Variants in SLC2A13 observed in about 807,000 individuals in gnomAD.
SLC2A13 encodes proton myo-inositol cotransporter.
Under a neutral mutation model 64.4 loss-of-function variants are expected in SLC2A13, and 32 were observed. That is an observed-to-expected ratio of 0.50 (90% confidence interval 0.37 to 0.67). The LOEUF is 0.67. SLC2A13 is among the 30% of genes least tolerant of loss of function. SLC2A13 has a pLI of 0.00. For synonymous variants in SLC2A13, 338 were observed against 327.1 expected (o/e 1.03, Z -0.36); for missense variants, 743 against 829.2 (o/e 0.90, Z 1.28).
chr12:39,790,611 G>A (rs1372729849), intron 7 of SLC2A13, among the ~76,000 whole-genome samples: 1 of 138,040 alleles, frequency 7.2e-6, no homozygotes, highest in Admixed American at 7.5e-5. Flanking sequence ...TCTTAATCCA[G>A]TCTATGATTG....
chr12:39,959,883 C>T (rs1283365846), intron 3 of SLC2A13, among the ~76,000 whole-genome samples: 1 of 152,142 alleles, frequency 6.6e-6, no homozygotes, highest in Non-Finnish European at 1.5e-5. Flanking sequence ...CAGGTAAATG[C>T]ATGCCATGGT....
In SLC2A13 at chr12:39,846,264, G is replaced by A. The variant is rs184709541; in HGVS notation, c.1320-16036C>T. ...AGGTATTATTCACCTTTGACCATAA[G>A]GAATTACTGTCCACTCCCAAAGGGT... On this transcript the variant is annotated intron_variant, in intron 6 of 9. Coordinates refer to ENST00000280871, the MANE Select transcript of SLC2A13 (RefSeq NM_052885.4). 1.0e-3 allele frequency among the ~76,000 whole-genome samples: 157 copies of A among 152,150 alleles called. 2 individuals carry two copies. The highest frequency in any genetic ancestry group is 8.8e-3 in the Admixed American group (134 of 15,276).
chr12:39,829,869 C>T (rs1287627913), intron 7 of SLC2A13: 2 of 529,548 alleles, frequency 3.8e-6, no homozygotes, highest in African/African-American at 3.8e-5. Context: ...AACTCCTATA[C>T]CTTATTAGAG....
At chr12:39,873,476 T>C (rs183335443) in intron 4 of SLC2A13, among the ~76,000 whole-genome samples, 1 of 152,078 alleles carries the variant, frequency 6.6e-6, no homozygotes, top group African/African-American at 2.4e-5. Context: ...TTAACATAAA[T>C]ACCAAATCTA....
intron 5 of SLC2A13, among the ~76,000 whole-genome samples, chr12:39,867,849 G>A (rs189426695): frequency 5.5e-4 from 84 of 152,212 alleles, no homozygotes; most frequent in African/African-American, 2.0e-3. Flanking sequence ...CAAAATATCT[G>A]AGTTTTAAAG....
chr12:39,841,454 T>A (rs1031510251), intron 6 of SLC2A13, among the ~76,000 whole-genome samples: 1 of 151,894 alleles, frequency 6.6e-6, no homozygotes, highest in African/African-American at 2.4e-5. Context: ...CCAGTGGGGG[T>A]TAAGTGTTTT....
At chr12:40,073,691 T>G (rs1029487029) in intron 1 of SLC2A13, among the ~76,000 whole-genome samples, 6 of 152,018 alleles carry the variant, frequency 3.9e-5, no homozygotes, top group African/African-American at 1.2e-4. Flanking sequence ...CTCTCAACAC[T>G]TTAAATATTT....
intron 5 of SLC2A13, among the ~76,000 whole-genome samples, chr12:39,868,902 T>G (rs1285891549): frequency 6.6e-6 from 1 of 152,208 alleles, no homozygotes; most frequent in African/African-American, 2.4e-5. Flanking sequence ...CTTACATATT[T>G]TTTATTTGTA....
intron 4 of SLC2A13, among the ~76,000 whole-genome samples, chr12:39,910,101 C>G (rs1382647548): frequency 6.6e-6 from 1 of 152,018 alleles, no homozygotes; most frequent in African/African-American, 2.4e-5. Context: ...AACCCTGTCC[C>G]CTGCTTCCTC....
At chr12:39,898,662 G>A (rs1182144689) in intron 4 of SLC2A13, among the ~76,000 whole-genome samples, 1 of 152,098 alleles carries the variant, frequency 6.6e-6, no homozygotes, top group Non-Finnish European at 1.5e-5. Flanking sequence ...GACATACAAG[G>A]CATTGAGACC....
intron 7 of SLC2A13, among the ~76,000 whole-genome samples, chr12:39,782,862 G>A (rs1159649535): frequency 1.3e-5 from 2 of 152,072 alleles, no homozygotes; most frequent in East Asian, 1.9e-4. Context: ...GGTGACTCTT[G>A]TTATTTTTAT....
chr12:39,908,853 T>C (rs1262476528), intron 4 of SLC2A13, among the ~76,000 whole-genome samples: 2 of 151,936 alleles, frequency 1.3e-5, no homozygotes, highest in Non-Finnish European at 2.9e-5. Context: ...ATGAGGAAGA[T>C]GGAAGGCAAC....
At chr12:39,823,167 A>T (rs1942572920) in intron 7 of SLC2A13, among the ~76,000 whole-genome samples, 1 of 152,350 alleles carries the variant, frequency 6.6e-6, no homozygotes, top group East Asian at 1.9e-4. Flanking sequence ...TTTAAGCAGT[A>T]ACATAAAAAA....
Position 39,985,258 on chromosome 12 carries a change from A to T in SLC2A13, c.926-33893T>A, listed in dbSNP as rs539594989. Among the ~76,000 whole-genome samples, 9 of 152,138 alleles carry T rather than the reference A, an allele frequency of 5.9e-5. No individual in the cohort carries two copies. The East Asian group carries it at 1.5e-3, about 26-fold the overall frequency. ...CTCCTGCTGTTGGTTTCTTGGTGTTAGTTTGTTAGAATTCTTTTAGCTTCC... is the reference window on the plus strand; with the variant it reads ...CTCCTGCTGTTGGTTTCTTGGTGTTTGTTTGTTAGAATTCTTTTAGCTTCC... On this transcript the variant is annotated intron_variant, in intron 3 of 9. Coordinates refer to ENST00000280871, the MANE Select transcript of SLC2A13 (RefSeq NM_052885.4).
intron 3 of SLC2A13, among the ~76,000 whole-genome samples, chr12:40,003,361 A>G (rs1471678163): frequency 1.3e-5 from 2 of 152,196 alleles, no homozygotes; most frequent in Non-Finnish European, 2.9e-5. Context: ...TAAAATTATA[A>G]CGATTATCTC....
intron 6 of SLC2A13, among the ~76,000 whole-genome samples, chr12:39,858,918 T>A (rs961800304): frequency 6.6e-6 from 1 of 152,146 alleles, no homozygotes; most frequent in Admixed American, 6.5e-5. Flanking sequence ...TTTTACACAT[T>A]TCTAAGGTTG....
rs1946857125 is a variant in SLC2A13, at chr12:39,979,956, C to G, written c.926-28591G>C. On this transcript the variant is annotated intron_variant, in intron 3 of 9. Transcript: ENST00000280871. ...GGGTTACCCTCAAAGGGAAGCCCATCAGACTAACAGCGGATCTCTCGGCAG... is the reference window on the plus strand; with the variant it reads ...GGGTTACCCTCAAAGGGAAGCCCATGAGACTAACAGCGGATCTCTCGGCAG... Among the ~76,000 whole-genome samples, 4 of 148,086 alleles carry G rather than the reference C, an allele frequency of 2.7e-5. No individual in the cohort carries two copies. In the South Asian group the frequency reaches 9.0e-4, roughly 33 times the overall value.
chr12:39,850,842 T>C (rs1386026859), intron 6 of SLC2A13, among the ~76,000 whole-genome samples: 2 of 152,180 alleles, frequency 1.3e-5, no homozygotes, highest in African/African-American at 4.8e-5. Flanking sequence ...AATGTATCCA[T>C]TTTACAATGA....
At chr12:39,901,562 A>G (rs1336453762) in intron 4 of SLC2A13, among the ~76,000 whole-genome samples, 1 of 129,116 alleles carries the variant, frequency 7.7e-6, no homozygotes, top group Admixed American at 8.5e-5. Flanking sequence ...AAAAGAAGAC[A>G]TTTATGCAGC....
Sources: allele counts gnomAD v4.1 joint callset (sites outside exome capture counted in the v4.1 genomes callset), GRCh38; gene constraint gnomAD v4.1.1; transcripts MANE v1.5; gene names NCBI Gene and HGNC (gene_info 2026-07-23, HGNC 2026-07-21).